Variants in HPS3 observed in about 807,000 individuals in gnomAD.
The protein encoded by HPS3 is HPS3 biogenesis of lysosomal organelles complex 2 subunit 1.
Under a neutral mutation model 110.9 loss-of-function variants are expected in HPS3, and 79 were observed. The ratio of observed to expected loss-of-function variants is 0.71; its 90% CI spans 0.59 to 0.86. HPS3 has a LOEUF of 0.86. Among genes scored for constraint, HPS3 ranks in the 40% least tolerant of loss-of-function variants. The probability of loss-of-function intolerance (pLI) is 0.00; values close to 1 mark genes in which losing one functional copy is unlikely to be tolerated. For synonymous variants in HPS3, 428 were observed against 451.0 expected, an observed-to-expected ratio of 0.95 and a Z score of 0.65; for missense variants, 1,197 against 1,206.2, an observed-to-expected ratio of 0.99 and a Z score of 0.11.
At chr3:149,147,830 AGTT>A (rs1247565958) in intron 5 of HPS3, among the ~76,000 whole-genome samples, 1 of 152,170 alleles carries the variant, frequency 6.6e-6, no homozygotes, top group African/African-American at 2.4e-5. Flanking sequence ...TTAGAATAGC[AGTT>A]GTTTTATGTA....
intron 4 of HPS3, among the ~76,000 whole-genome samples, chr3:149,144,835 C>T (rs751518200): frequency 1.3e-5 from 2 of 152,064 alleles, no homozygotes; most frequent in African/African-American, 2.4e-5. Context: ...AGACTAAGTA[C>T]AAAAATGTAT....
chr3:149,131,898 GA>G (rs948333021), intron 1 of HPS3, among the ~76,000 whole-genome samples: 1 of 152,226 alleles, frequency 6.6e-6, no homozygotes, highest in South Asian at 2.1e-4. Flanking sequence ...TTGCTGATAG[GA>G]AAAAAACTTT....
chr3:149,162,446 C>A (rs1005399661), intron 12 of HPS3, 113 bp downstream of exon 12: 19 of 968,766 alleles, frequency 2.0e-5, no homozygotes, highest in Non-Finnish European at 2.6e-5. Flanking sequence ...AAAAAACAGA[C>A]ATACATAATC....
At chr3:149,157,060 G>A (rs1393523242) in intron 8 of HPS3, among the ~76,000 whole-genome samples, 3 of 152,078 alleles carry the variant, frequency 2.0e-5, no homozygotes, top group Non-Finnish European at 4.4e-5. Context: ...TTGTTGCTAA[G>A]TTTACAGTAT....
chr3:149,140,609 T>C, intron 2 of HPS3, 111 bp downstream of exon 2: 2 of 1,162,132 alleles, frequency 1.7e-6, no homozygotes, highest in South Asian at 1.4e-5. Flanking sequence ...TATTTATAGA[T>C]TTAGTTATTC....
Position 149,129,707 on chromosome 3 carries a change from T to A in HPS3, c.-17T>A, listed in dbSNP as rs1370989576. On this transcript the variant is annotated 5_prime_UTR_variant, in exon 1 of 17. Transcript: ENST00000296051. ...CCTGCAGGGCGGGCAGGCTGTGCCATCCCGCCGGACGTCGGGATGGTGCAG... is the reference window on the plus strand; with the variant it reads ...CCTGCAGGGCGGGCAGGCTGTGCCAACCCGCCGGACGTCGGGATGGTGCAG... 1 of 1,562,112 alleles carries A rather than the reference T, an allele frequency of 6.4e-7. No homozygotes were observed.
At chr3:149,171,985 G>A (rs1219683039) in intron 16 of HPS3, 110 bp from the exon 17 acceptor site, 26 of 1,042,736 alleles carry the variant, frequency 2.5e-5, no homozygotes, top group Non-Finnish European at 2.7e-5. Flanking sequence ...GATTACAGGC[G>A]TGAGCCACCA....
intron 5 of HPS3, among the ~76,000 whole-genome samples, chr3:149,147,083 G>A (rs1722822613): frequency 1.3e-5 from 2 of 152,124 alleles, no homozygotes; most frequent in African/African-American, 4.8e-5. Flanking sequence ...GGCTTCAGTG[G>A]GAAAGTTAAA....
In HPS3 at chr3:149,158,660, C is replaced by T. The variant is rs578160486; in HGVS notation, c.1692-6C>T. 8 of 1,612,994 alleles carry T rather than the reference C, an allele frequency of 5.0e-6. No homozygotes were observed. The East Asian group carries it at 1.6e-4, about 31-fold the overall frequency. On this transcript the variant is annotated splice_polypyrimidine_tract_variant and splice_region_variant and intron_variant, in intron 9 of 16. Coordinates refer to ENST00000296051, the MANE Select transcript of HPS3 (RefSeq NM_032383.5). ...AATTTGAGGTTTTTCATTTCCTTCC[C>T]TTTAGGCTTGACTCCCAGCATTCTC...
chr3:149,164,152 C>T (rs569200784), intron 14 of HPS3, among the ~76,000 whole-genome samples: 29 of 152,208 alleles, frequency 1.9e-4, no homozygotes, highest in African/African-American at 6.3e-4. Flanking sequence ...CTGTGCTGAG[C>T]GGCTGGTTTT....
chr3:149,140,870 C>A, intron 2 of HPS3, 147 bp from the exon 3 acceptor site: 3 of 712,082 alleles, frequency 4.2e-6, no homozygotes, highest in Non-Finnish European at 7.0e-6. Context: ...ATTAAATGAG[C>A]AAGTGCTAAG....
At chr3:149,162,408 A>C in intron 12 of HPS3, 75 bp downstream of exon 12, 6 of 1,350,686 alleles carry the variant, frequency 4.4e-6, no homozygotes, top group South Asian at 1.2e-5. Flanking sequence ...GAATAAGAGA[A>C]GTGAGTTTTT....
At chr3:149,132,759 T>A (rs1721851026) in intron 1 of HPS3, among the ~76,000 whole-genome samples, 1 of 152,174 alleles carries the variant, frequency 6.6e-6, no homozygotes, top group South Asian at 2.1e-4. Flanking sequence ...AAATTGAAAA[T>A]CATCTGGAAA....
At chr3:149,152,847 T>C (rs1490778838) in intron 6 of HPS3, among the ~76,000 whole-genome samples, 1 of 152,212 alleles carries the variant, frequency 6.6e-6, no homozygotes, top group Non-Finnish European at 1.5e-5. Flanking sequence ...TTAGTTTTCT[T>C]ATTCATTCTA....
chr3:149,162,229 G>A lies in HPS3; in HGVS notation c.2188G>A (p.Ala730Thr). Residue 730 changes from alanine (A) to threonine (T), a missense_variant, in exon 12 of 17, where the codon GCA becomes ACA. Transcript: ENST00000296051. ...RKGQIVPTELALHLKETQPGL... is the reference protein window; with the variant it reads ...RKGQIVPTELTLHLKETQPGL... The stretch of plus-strand genomic sequence containing the variant: ...GGGACAGATTGTTCCAACCGAGCTT[G>A]CACTTCACTTGAAGGAAACTCAGCC... 1 of 1,614,010 alleles carries A rather than the reference G, an allele frequency of 6.2e-7. No individual in the cohort carries two copies. Among genetic ancestry groups the A allele is most frequent in the Non-Finnish European group, 8.5e-7 (1 of 1,179,934 alleles).
intron 14 of HPS3, among the ~76,000 whole-genome samples, chr3:149,164,348 AT>A (rs879348015): frequency 5.5e-4 from 84 of 152,304 alleles, no homozygotes; most frequent in Non-Finnish European, 1.1e-3. Flanking sequence ...AGGCACTGCT[AT>A]TTCTCTTATA....
In HPS3 at chr3:149,141,292, C is replaced by T; in HGVS notation, c.885-3C>T. ...CCCTTTCTCTGTCTTTTTAAACCCA[C>T]AGACGTTTTGCTCCTGATATTTCGT... On this transcript the variant is annotated splice_region_variant and splice_polypyrimidine_tract_variant and intron_variant, in intron 3 of 16. Coordinates refer to ENST00000296051, the MANE Select transcript of HPS3 (RefSeq NM_032383.5). The T allele has an allele frequency of 6.2e-6, 10 of 1,612,858 alleles. No homozygotes were observed. The highest frequency in any genetic ancestry group is 8.5e-6 in the Non-Finnish European group (10 of 1,179,552).
rs781079008 is a variant in HPS3, at chr3:149,145,523, A to G, written c.1140A>G (p.Pro380=). 5 of 1,613,974 alleles carry G rather than the reference A, an allele frequency of 3.1e-6. No individual in the cohort carries two copies. In the African/African-American group the frequency reaches 4.0e-5, roughly 13 times the overall value. The part of the protein sequence containing the change: ...PEKSQQAVLT[P]QFLHVITSNN... ...AGTCTCAGCAGGCAGTACTCACGCCACAATTTTTGCACGTCATTACAAGGT... is the reference window on the plus strand; with the variant it reads ...AGTCTCAGCAGGCAGTACTCACGCCGCAATTTTTGCACGTCATTACAAGGT... The change falls in exon 5 of 17, where the codon CCA becomes CCG. Residue 380 remains proline, a synonymous_variant. Transcript: ENST00000296051.
At chr3:149,168,073 A>G (rs1724611646) in intron 16 of HPS3, 90 bp downstream of exon 16, 2 of 794,000 alleles carry the variant, frequency 2.5e-6, no homozygotes, top group Admixed American at 1.9e-5. Context: ...TGTGATTCTC[A>G]AGTGAAACCG....
Sources: gnomAD v4.1 joint callset for allele counts (sites outside exome capture counted in the v4.1 genomes callset) on GRCh38, gnomAD v4.1.1 for gene constraint, MANE v1.5 for transcripts, NCBI Gene and HGNC (gene_info 2026-07-23, HGNC 2026-07-21) for gene names.